ITGB3: variants seen among roughly 807,000 people sequenced by gnomAD.
ITGB3 encodes integrin beta-3.
In ITGB3, 48 loss-of-function variants were observed where a neutral mutation model predicts 85.8. The ratio of observed to expected loss-of-function variants is 0.56; its 90% CI spans 0.44 to 0.71. The LOEUF (loss-of-function observed/expected upper bound fraction) is 0.71, where lower values mean the gene tolerates loss of function less well. Among genes scored for constraint, ITGB3 ranks in the 30% least tolerant of loss-of-function variants. The pLI, the probability that ITGB3 is intolerant of heterozygous loss-of-function variation, is 0.00. For synonymous variants in ITGB3, 363 were observed against 395.6 expected, an observed-to-expected ratio of 0.92 and a Z score of 0.98; for missense variants, 861 against 1,019.1, an observed-to-expected ratio of 0.84 and a Z score of 2.11.
intron 10 of ITGB3, among the ~76,000 whole-genome samples, chr17:47,295,357 A>G (rs1236609326): frequency 3.3e-5 from 5 of 151,936 alleles, no homozygotes; most frequent in Admixed American, 1.3e-4. Flanking sequence ...CGTGTTCCCA[A>G]TGACCTTAAG....
intron 1 of ITGB3, among the ~76,000 whole-genome samples, chr17:47,271,231 AGGAT>A (rs1410898309): frequency 6.6e-6 from 1 of 152,252 alleles, no homozygotes; most frequent in Non-Finnish European, 1.5e-5. Flanking sequence ...TGACTCGATT[AGGAT>A]GACAGTCTAC....
rs1309145274 is a variant in ITGB3, at chr17:47,286,558, A to AGTTGC, written c.777+137_777+141dup. On this transcript the variant is annotated intron_variant, in intron 5 of 14. Coordinates refer to ENST00000559488, the MANE Select transcript of ITGB3 (RefSeq NM_000212.3). ...GGGCTTCCTGCAGTTATGAGTAGTAAGTTGCTCCTGATATTCAGCCTTGGC... is the reference window on the plus strand; with the variant it reads ...GGGCTTCCTGCAGTTATGAGTAGTAAGTTGCGTTGCTCCTGATATTCAGCCTTGGC... 3 of 1,075,370 alleles carry AGTTGC rather than the reference A, an allele frequency of 2.8e-6. No homozygotes were observed. In the African/African-American group the frequency reaches 4.6e-5, roughly 17 times the overall value. The allele number at this position is 1,075,370 out of a possible 1,614,324, so 66.6% of individuals were successfully genotyped here.
At chr17:47,270,665 G>A (rs988385847) in intron 1 of ITGB3, among the ~76,000 whole-genome samples, 5 of 152,156 alleles carry the variant, frequency 3.3e-5, no homozygotes, top group African/African-American at 1.2e-4. Flanking sequence ...TGGGCCTCAC[G>A]CTTACATTCT....
At chr17:47,290,060 CA>C in intron 7 of ITGB3, 124 bp from the exon 8 acceptor site, 1 of 832,182 alleles carries the variant, frequency 1.2e-6, no homozygotes, top group Non-Finnish European at 2.1e-6. Context: ...CTGGCAGTGA[CA>C]ATTGAAATAT....
At chr17:47,274,540 G>C (rs772788858) in intron 2 of ITGB3, 36 bp downstream of exon 2, 2 of 1,575,450 alleles carry the variant, frequency 1.3e-6, no homozygotes, top group Non-Finnish European at 1.7e-6. Context: ...TTCTTCTCCA[G>C]ACTAAGCTGC....
At chr17:47,258,789 G>T (rs567207625) in intron 1 of ITGB3, among the ~76,000 whole-genome samples, 2 of 152,114 alleles carry the variant, frequency 1.3e-5, no homozygotes, top group Non-Finnish European at 2.9e-5. Flanking sequence ...AACCCTCGTC[G>T]GTTGCAACTG....
intron 10 of ITGB3, among the ~76,000 whole-genome samples, chr17:47,295,267 G>A (rs1325785201): frequency 6.6e-6 from 1 of 152,124 alleles, no homozygotes; most frequent in Non-Finnish European, 1.5e-5. Flanking sequence ...TGGGATGTCT[G>A]ACAGATCTCA....
intron 1 of ITGB3, among the ~76,000 whole-genome samples, chr17:47,267,900 A>G (rs2065031027): frequency 6.6e-6 from 1 of 152,222 alleles, no homozygotes; most frequent in African/African-American, 2.4e-5. Context: ...ATAAAAACAT[A>G]TCCAAGATTT....
intron 1 of ITGB3, among the ~76,000 whole-genome samples, chr17:47,256,217 G>A (rs925492914): frequency 2.0e-5 from 3 of 152,134 alleles, no homozygotes; most frequent in Admixed American, 6.5e-5. Flanking sequence ...TGTAATCCCA[G>A]CACTTTGGGA....
intron 13 of ITGB3, among the ~76,000 whole-genome samples, chr17:47,307,066 G>T (rs1598702499): frequency 1.3e-5 from 2 of 152,264 alleles, no homozygotes; most frequent in East Asian, 3.9e-4. Flanking sequence ...GTGAGTCATG[G>T]GGGTCTGGTG....
intron 1 of ITGB3, among the ~76,000 whole-genome samples, chr17:47,256,632 G>C (rs2064991288): frequency 6.6e-6 from 1 of 152,202 alleles, no homozygotes; most frequent in Non-Finnish European, 1.5e-5. Flanking sequence ...AGAAAGAGCT[G>C]AGTGGCACAG....
In ITGB3 at chr17:47,292,136, C is replaced by T. The variant is rs1339238075; in HGVS notation, c.1261-3C>T. 1 of 1,614,014 alleles carries T rather than the reference C, an allele frequency of 6.2e-7. No individual in the cohort carries two copies. The highest frequency in any genetic ancestry group is 8.5e-7 in the Non-Finnish European group (1 of 1,179,904). ...TCTAAATACAATCTTTCTTTCCATC[C>T]AGGTGAGCTTCAGCATTGAGGCCAA... is the stretch of plus-strand genomic sequence containing the variant. On this transcript the variant is annotated splice_region_variant and splice_polypyrimidine_tract_variant and intron_variant, in intron 9 of 14. Coordinates refer to ENST00000559488, the MANE Select transcript of ITGB3 (RefSeq NM_000212.3).
chr17:47,257,415 G>GA (rs1166499404), intron 1 of ITGB3, among the ~76,000 whole-genome samples: 3 of 152,120 alleles, frequency 2.0e-5, no homozygotes, highest in African/African-American at 7.2e-5. Context: ...CCCTGTATCT[G>GA]AAAAAAGAGG....
intron 10 of ITGB3, among the ~76,000 whole-genome samples, chr17:47,297,506 A>G (rs2065150149): frequency 6.6e-6 from 1 of 152,040 alleles, no homozygotes; most frequent in Non-Finnish European, 1.5e-5. Flanking sequence ...AAATACAAAC[A>G]TTAGCCGGGC....
intron 3 of ITGB3, among the ~76,000 whole-genome samples, chr17:47,283,992 G>A (rs2065093701): frequency 1.3e-5 from 2 of 152,200 alleles, no homozygotes; most frequent in Non-Finnish European, 2.9e-5. Context: ...ACCTTTAGAG[G>A]GAGGAAGGGT....
chr17:47,289,307 C>T (rs1222774230), intron 6 of ITGB3, among the ~76,000 whole-genome samples: 1 of 152,050 alleles, frequency 6.6e-6, no homozygotes, highest in African/African-American at 2.4e-5. Flanking sequence ...GTGCTACTTA[C>T]CCTTCTTATC....
chr17:47,287,367 C>A, intron 6 of ITGB3, 136 bp downstream of exon 6: 1 of 868,344 alleles, frequency 1.2e-6, no homozygotes, highest in Non-Finnish European at 1.9e-6. Context: ...CAGCTTGCCC[C>A]TATCCCTTAC....
chr17:47,273,390 T>C (rs1196746092), intron 1 of ITGB3, among the ~76,000 whole-genome samples: 3 of 152,196 alleles, frequency 2.0e-5, no homozygotes, highest in Non-Finnish European at 4.4e-5. Flanking sequence ...AAAAACCTCC[T>C]TAAGGCACTG....
At chr17:47,279,392 C>T (rs1234880670) in intron 2 of ITGB3, 1 of 152,208 alleles carries the variant, frequency 6.6e-6, no homozygotes, top group Non-Finnish European at 1.5e-5. Context: ...GGAATGTTGC[C>T]CAAGTATGTT....
Sources: allele counts gnomAD v4.1 joint callset (sites outside exome capture counted in the v4.1 genomes callset), GRCh38; gene constraint gnomAD v4.1.1; transcripts MANE v1.5; gene names NCBI Gene and HGNC (gene_info 2026-07-23, HGNC 2026-07-21).